ZNF652: variants seen among roughly 807,000 people sequenced by gnomAD.
ZNF652 encodes zinc finger protein 652.
In ZNF652, 16 loss-of-function variants were observed where a neutral mutation model predicts 45.2. The observed-to-expected ratio is 0.35, with a 90% CI of 0.24 to 0.54. ZNF652 has a LOEUF of 0.54. ZNF652 is among the 20% of genes least tolerant of loss of function. ZNF652 has a pLI of 0.91. For synonymous variants in ZNF652, 250 were observed against 260.6 expected (o/e 0.96, Z 0.39); for missense variants, 614 against 765.6 (o/e 0.80, Z 2.34).
intron 1 of ZNF652, among the ~76,000 whole-genome samples, chr17:49,330,418 G>A (rs2070010231): frequency 6.6e-6 from 1 of 151,694 alleles, no homozygotes; most frequent in Non-Finnish European, 1.5e-5. Flanking sequence ...TCAGCCTCCT[G>A]AGTAGCTAGG....
rs545421407 is a variant in ZNF652 at position 49,312,875 on chromosome 17, T to C, written c.901-30A>G. The C allele has an allele frequency of 2.3e-5, 37 of 1,605,504 alleles. 1 individual carries two copies. The highest frequency in any genetic ancestry group is 3.0e-5 in the Non-Finnish European group (35 of 1,176,430). On this transcript the variant is annotated intron_variant, in intron 2 of 5. Coordinates refer to ENST00000430262, the MANE Select transcript of ZNF652 (RefSeq NM_001145365.3). Reference sequence around the variant, plus strand: ...GCAGGATAAATAGAAATAATATTTATAGGGGCTTACAGCATGCCATACCAG... The same window carrying C: ...GCAGGATAAATAGAAATAATATTTACAGGGGCTTACAGCATGCCATACCAG...
intron 1 of ZNF652, among the ~76,000 whole-genome samples, chr17:49,350,998 T>TAC: frequency 4.4e-5 from 1 of 22,584 alleles, no homozygotes; most frequent in South Asian, 9.3e-4. Context: ...TATATATATA[T>TAC]ATATATATAT....
intron 1 of ZNF652, among the ~76,000 whole-genome samples, chr17:49,331,761 T>C (rs187069108): frequency 1.4e-4 from 21 of 152,328 alleles, no homozygotes; most frequent in African/African-American, 4.3e-4. Flanking sequence ...AGGAGTGTTA[T>C]TGTTTTCTCA....
rs1041669178 is a variant in ZNF652 at position 49,342,883 on chromosome 17, G to GA, written c.-259+19025dup. ...AATATACAAAGGTTTTTTCCACATA[G>GA]AATTTTTTTTTTTTTTTTGGCAGAC... On this transcript the variant is annotated intron_variant, in intron 1 of 5. Coordinates refer to ENST00000430262, the MANE Select transcript of ZNF652 (RefSeq NM_001145365.3). Among the ~76,000 whole-genome samples the GA allele has an allele frequency of 4.0e-5, 6 of 150,900 alleles. No individual in the cohort carries two copies. In the Admixed American group the frequency reaches 4.0e-4, roughly 10 times the overall value.
chr17:49,301,083 C>T (rs2069546197), intron 5 of ZNF652, among the ~76,000 whole-genome samples: 1 of 152,090 alleles, frequency 6.6e-6, no homozygotes, highest in Non-Finnish European at 1.5e-5. Context: ...TCCCACCCTC[C>T]AGGACCCCTT....
At chr17:49,339,908 A>G (rs889326207) in intron 1 of ZNF652, among the ~76,000 whole-genome samples, 1 of 151,884 alleles carries the variant, frequency 6.6e-6, no homozygotes, top group Non-Finnish European at 1.5e-5. Context: ...TAGTTTTTGT[A>G]TTTTTACTAG....
chr17:49,298,312 C>A lies in ZNF652; in HGVS notation c.*101G>T, dbSNP rs1239511044. ...ACACTGGCGAAGCTCTTGGTAGAGG[C>A]GGAGGAGAGTCTGAGAACTAAGGAA... On this transcript the variant is annotated 3_prime_UTR_variant, in exon 6 of 6. Coordinates refer to ENST00000430262, the MANE Select transcript of ZNF652 (RefSeq NM_001145365.3). 1.1e-5 allele frequency: 16 copies of A among 1,444,900 alleles called. No individual in the cohort carries two copies. In the South Asian group the frequency reaches 2.0e-4, roughly 18 times the overall value. 89.5% of individuals were successfully genotyped at this position (1,444,900 alleles called of 1,614,324 possible).
At position 49,346,587 on chromosome 17, in the gene ZNF652, C is replaced by T. The variant is rs116853945; in HGVS notation, c.-259+15322G>A. Among the ~76,000 whole-genome samples the T allele has an allele frequency of 5.7e-3, 869 of 152,238 alleles. 7 individuals are homozygous for T. Among genetic ancestry groups the T allele is most frequent in the Middle Eastern group, 0.01 (3 of 294 alleles). On this transcript the variant is annotated intron_variant, in intron 1 of 5. Transcript: ENST00000430262. The stretch of plus-strand genomic sequence containing the variant: ...ACAAACTACTATTCCTATAGGGCCA[C>T]ATGTTTGTAAAATGCATATTAAGAT...
intron 5 of ZNF652, among the ~76,000 whole-genome samples, chr17:49,307,879 T>C (rs559207914): frequency 6.6e-6 from 1 of 152,324 alleles, no homozygotes. Context: ...TAGCTAATAT[T>C]ATAGCAAATT....
Position 49,317,826 on chromosome 17 carries a change from C to T in ZNF652, c.-101G>A. 1 of 1,231,998 alleles carries T rather than the reference C, an allele frequency of 8.1e-7. No homozygotes were observed. The highest frequency in any genetic ancestry group is 1.1e-6 in the Non-Finnish European group (1 of 917,908). 76.3% of individuals were successfully genotyped at this position (1,231,998 alleles called of 1,614,324 possible). On this transcript the variant is annotated 5_prime_UTR_variant, in exon 2 of 6. Transcript: ENST00000430262. ...AAATCTTTTCTCATCCACAAAGAAT[C>T]ACTCAAATGAAAAAAAGATATTCCT... is the stretch of plus-strand genomic sequence containing the variant.
chr17:49,332,944 AG>A (rs1440291231), intron 1 of ZNF652, among the ~76,000 whole-genome samples: 1 of 152,172 alleles, frequency 6.6e-6, no homozygotes, highest in Non-Finnish European at 1.5e-5. Context: ...AGGCTAAGGC[AG>A]GAGGATCATA....
chr17:49,347,715 G>A (rs1428732067), intron 1 of ZNF652, among the ~76,000 whole-genome samples: 4 of 147,840 alleles, frequency 2.7e-5, no homozygotes, highest in Non-Finnish European at 5.9e-5. Context: ...CCCCATGCCT[G>A]CAAGAAAAAT....
rs746390399 is a variant in ZNF652, at chr17:49,312,060, C to T, written c.1049-18G>A. ...TGTGTGTGCTGCAACACAGAATGTA[C>T]TTAGTGTCAAAACAAAATCCACCAA... On this transcript the variant is annotated intron_variant, in intron 3 of 5. Transcript: ENST00000430262. 3 of 1,577,122 alleles carry T rather than the reference C, an allele frequency of 1.9e-6. No homozygotes were observed. The highest frequency in any genetic ancestry group is 1.7e-5 in the Admixed American group (1 of 58,732).
At chr17:49,338,436 C>G (rs1019571002) in intron 1 of ZNF652, among the ~76,000 whole-genome samples, 8 of 152,162 alleles carry the variant, frequency 5.3e-5, no homozygotes, top group African/African-American at 1.9e-4. Flanking sequence ...TTCAAGCTGG[C>G]AGAGCAGAAG....
Position 49,290,491 on chromosome 17 carries a change from GAGA to G in ZNF652, c.*7919_*7921del, listed in dbSNP as rs1303416500. 1 of 152,270 alleles carries G rather than the reference GAGA, an allele frequency of 6.6e-6. No individual in the cohort carries two copies. Among genetic ancestry groups the G allele is most frequent in the African/African-American group, 2.4e-5 (1 of 41,456 alleles). 9.4% of individuals were successfully genotyped at this position (152,270 alleles called of 1,614,324 possible). A position where few individuals can be genotyped will look rare whatever the true frequency, so the allele number is the denominator to read the frequency against. On this transcript the variant is annotated 3_prime_UTR_variant, in exon 6 of 6. Transcript: ENST00000430262. Reference sequence around the variant, plus strand: ...ATGTAACAGATATCTCTTTGGAGCAGAGAAGGTGAGAAGCATTTCCTTACTCAT... The same window carrying G: ...ATGTAACAGATATCTCTTTGGAGCAGAGGTGAGAAGCATTTCCTTACTCAT...
chr17:49,354,681 A>G (rs955593601), intron 1 of ZNF652, among the ~76,000 whole-genome samples: 3 of 151,858 alleles, frequency 2.0e-5, no homozygotes, highest in African/African-American at 7.2e-5. Flanking sequence ...AAATCTTCAT[A>G]TATAAAACAC....
chr17:49,290,276 T>C lies in ZNF652; in HGVS notation c.*8137A>G, dbSNP rs1388493184. 6.6e-6 allele frequency: 1 copy of C among 152,216 alleles called. No individual in the cohort carries two copies. Among genetic ancestry groups the C allele is most frequent in the African/African-American group, 2.4e-5 (1 of 41,440 alleles). 9.4% of individuals were successfully genotyped at this position (152,216 alleles called of 1,614,324 possible). On this transcript the variant is annotated 3_prime_UTR_variant, in exon 6 of 6. Transcript: ENST00000430262. ...TCGTCTTTTCCCTTCCCAGGTTGAT[T>C]ACTGACCTGTTTGTTGTGAAGATGC...
chr17:49,317,123 A>G lies in ZNF652; in HGVS notation c.603T>C (p.Ala201=). 1 of 1,614,060 alleles carries G rather than the reference A, an allele frequency of 6.2e-7. No individual in the cohort carries two copies. The highest frequency in any genetic ancestry group is 8.5e-7 in the Non-Finnish European group (1 of 1,180,018). ...TAGTTCTGGGAGTAGGGGAAGTGGT[A>G]GCTGCGGCAACAGAGGCAGCTCTCC... The part of the protein sequence containing the change: ...RTRRAASVAA[A]TTSPTPRTTR... The change falls in exon 2 of 6, where the codon GCT becomes GCC. Residue 201 remains alanine, a synonymous_variant. Coordinates refer to ENST00000430262, the MANE Select transcript of ZNF652 (RefSeq NM_001145365.3).
rs113584016 is a variant in ZNF652 at position 49,290,866 on chromosome 17, C to T, written c.*7547G>A. 3.3e-5 allele frequency: 5 copies of T among 152,142 alleles called. No homozygotes were observed. Among genetic ancestry groups the T allele is most frequent in the Non-Finnish European group, 7.4e-5 (5 of 68,018 alleles). 9.4% of individuals were successfully genotyped at this position (152,142 alleles called of 1,614,324 possible). ...TCCAGAAGAGATTTAAAAGTGGGAT[C>T]TTTCTTTAGAAGGTTGAGAATAAAG... On this transcript the variant is annotated 3_prime_UTR_variant, in exon 6 of 6. Coordinates refer to ENST00000430262, the MANE Select transcript of ZNF652 (RefSeq NM_001145365.3).
Sources: allele counts gnomAD v4.1 joint callset (sites outside exome capture counted in the v4.1 genomes callset), GRCh38; gene constraint gnomAD v4.1.1; transcripts MANE v1.5; gene names NCBI Gene and HGNC (gene_info 2026-07-23, HGNC 2026-07-21).